PGLYRP2: variants seen among roughly 807,000 people sequenced by gnomAD.
PGLYRP2 encodes peptidoglycan recognition protein 2.
In PGLYRP2, 38 loss-of-function variants were observed where a neutral mutation model predicts 46.2. The ratio of observed to expected loss-of-function variants is 0.82; its 90% CI spans 0.64 to 1.08. The LOEUF (loss-of-function observed/expected upper bound fraction) is 1.08. PGLYRP2 is among the 50% of genes least tolerant of loss of function. PGLYRP2 has a pLI of 0.00. For synonymous variants in PGLYRP2, 289 were observed against 329.4 expected, an observed-to-expected ratio of 0.88 and a Z score of 1.33; for missense variants, 713 against 755.9, an observed-to-expected ratio of 0.94 and a Z score of 0.67.
intron 1 of PGLYRP2, among the ~76,000 whole-genome samples, 187 bp downstream of exon 1, chr19:15,479,124 C>T (rs1028565968): frequency 3.3e-5 from 5 of 152,166 alleles, no homozygotes; most frequent in Non-Finnish European, 5.9e-5. Context: ...TCTCCAGGCC[C>T]CAGATTCCTT....
intron 2 of PGLYRP2, 25 bp downstream of exon 2, chr19:15,475,513 C>A: frequency 1.3e-6 from 2 of 1,554,422 alleles, no homozygotes; most frequent in South Asian, 2.4e-5. Context: ...TGGGAAGGAT[C>A]ACAGGGTGTG....
chr19:15,468,706 C>T lies in PGLYRP2; in HGVS notation c.1688G>A (p.Arg563Lys), dbSNP rs1158284960. The change falls in exon 5 of 5, where the codon AGG becomes AAG. Residue 563 changes from arginine (R) to lysine (K), a missense_variant. Physicochemically the swap from Arg to Lys is conservative, Grantham distance 26. Transcript: ENST00000340880. ...TGGCAGGGTCCTTGGGGGTGGCTCCCTCCTGGATCTCTTAGAGACACTCCT... is the reference window on the plus strand; with the variant it reads ...TGGCAGGGTCCTTGGGGGTGGCTCCTTCCTGGATCTCTTAGAGACACTCCT... The part of the protein sequence containing the change: ...PARSVSKRSR[R>K]EPPPRTLPAT... 2 of 1,612,910 alleles carry T rather than the reference C, an allele frequency of 1.2e-6. No individual in the cohort carries two copies. Among genetic ancestry groups the T allele is most frequent in the South Asian group, 1.1e-5 (1 of 90,968 alleles).
intron 1 of PGLYRP2, 137 bp downstream of exon 1, chr19:15,479,174 T>G: frequency 1.1e-6 from 1 of 872,952 alleles, no homozygotes; most frequent in Non-Finnish European, 1.8e-6. Context: ...TGGGAATATC[T>G]ATGTCCCCAT....
Position 15,469,041 on chromosome 19 carries a change from G to C in PGLYRP2, c.1642-289C>G. 1 of 514,874 alleles carries C rather than the reference G, an allele frequency of 1.9e-6. No homozygotes were observed. The highest frequency in any genetic ancestry group is 3.5e-6 in the Non-Finnish European group (1 of 288,946). 31.9% of individuals were successfully genotyped at this position (514,874 alleles called of 1,614,324 possible). Reference sequence around the variant, plus strand: ...TCAGGTCAAAGTTGTGCTGGCATAAGAGTTGTCATCAGGGGTTAAGGAGTC... The same window carrying C: ...TCAGGTCAAAGTTGTGCTGGCATAACAGTTGTCATCAGGGGTTAAGGAGTC... On this transcript the variant is annotated intron_variant, in intron 4 of 4. Transcript: ENST00000340880. This position sits in a 1 kb window ranked among gnomAD's most constrained non-coding sequence, Gnocchi z 4.9.
intron 2 of PGLYRP2, 104 bp from the exon 3 acceptor site, chr19:15,472,204 G>C (rs1291929166): frequency 4.1e-6 from 4 of 969,626 alleles, no homozygotes; most frequent in Non-Finnish European, 6.1e-6. Context: ...CCTCCTCTCA[G>C]ATTTGGAAAG....
Position 15,478,175 on chromosome 19 carries a change from C to T in PGLYRP2, c.61+1136G>A, listed in dbSNP as rs369034834. Reference sequence around the variant, plus strand: ...CAGCCTGGCCAACATGGTGAAACCCCGTTTCTACTAAAAATACAAAAGTTA... The same window carrying T: ...CAGCCTGGCCAACATGGTGAAACCCTGTTTCTACTAAAAATACAAAAGTTA... On this transcript the variant is annotated intron_variant, in intron 1 of 4. Transcript: ENST00000340880. 3.8e-4 allele frequency among the ~76,000 whole-genome samples: 58 copies of T among 152,048 alleles called. 1 individual carries two copies. The highest frequency in any genetic ancestry group is 3.8e-3 in the Admixed American group (58 of 15,250).
rs374756265 is a variant in PGLYRP2, at chr19:15,475,845, G to A, written c.825C>T (p.Gly275=). 5.2e-5 allele frequency: 84 copies of A among 1,614,060 alleles called. No homozygotes were observed. Among genetic ancestry groups the A allele is most frequent in the South Asian group, 2.6e-4 (24 of 91,072 alleles). Residue 275 remains glycine, a synonymous_variant, in exon 2 of 5, where the codon GGC becomes GGT. Transcript: ENST00000340880. ...ASLLTMAFLN[G]ALDGVILGDY... ...CTCCAAGGATGACCCCATCCAGGGC[G>A]CCATTGAGGAAGGCCATGGTTAACA...
In PGLYRP2 at chr19:15,476,230, G is replaced by A; in HGVS notation, c.440C>T (p.Ala147Val). The change falls in exon 2 of 5, where the codon GCC (alanine) becomes GTC (valine). Residue 147 changes from alanine to valine, a missense_variant. Physicochemically the swap from Ala to Val is moderately conservative, Grantham distance 64. Coordinates refer to ENST00000340880, the MANE Select transcript of PGLYRP2 (RefSeq NM_052890.4). ...VINLPLDSMA[A>V]PWETGDTFPD... ...AAAGGTATCTCCAGTCTCCCAAGGG[G>A]CAGCCATGCTGTCCAAGGGCAAATT... 2 of 1,614,142 alleles carry A rather than the reference G, an allele frequency of 1.2e-6. No homozygotes were observed. Among genetic ancestry groups the A allele is most frequent in the Non-Finnish European group, 8.5e-7 (1 of 1,180,032 alleles).
intron 1 of PGLYRP2, 144 bp downstream of exon 1, chr19:15,479,167 G>C: frequency 1.2e-6 from 1 of 824,762 alleles, no homozygotes; most frequent in South Asian, 1.6e-5. Flanking sequence ...GTGGAGCTGG[G>C]AATATCTATG....
At chr19:15,472,884 T>C (rs745563490) in intron 2 of PGLYRP2, among the ~76,000 whole-genome samples, 7 of 152,138 alleles carry the variant, frequency 4.6e-5, no homozygotes, top group Non-Finnish European at 1.0e-4. Context: ...AAAGCAATTC[T>C]AAGCAAAACG....
At chr19:15,473,585 CT>C (rs1970769434) in intron 2 of PGLYRP2, among the ~76,000 whole-genome samples, 1 of 149,784 alleles carries the variant, frequency 6.7e-6, no homozygotes, top group Non-Finnish European at 1.5e-5. Flanking sequence ...AAGGAAAACG[CT>C]TCTGAACATT....
Position 15,479,454 on chromosome 19 carries a change from A to C in PGLYRP2, c.-83T>G. The C allele has an allele frequency of 7.5e-7, 1 of 1,340,732 alleles. No individual in the cohort carries two copies. 83.1% of individuals were successfully genotyped at this position (1,340,732 alleles called of 1,614,324 possible). A position where few individuals can be genotyped will look rare whatever the true frequency, so the allele number is the denominator to read the frequency against. ...GGCAGTGCTGGAGGGAGACAGGCAC[A>C]GAGAACTGAGCAGAGCCTTTGACCA... On this transcript the variant is annotated 5_prime_UTR_variant, in exon 1 of 5. Transcript: ENST00000340880.
chr19:15,477,151 C>G (rs7252114), intron 1 of PGLYRP2, among the ~76,000 whole-genome samples: 84,440 of 151,736 alleles, frequency 0.56, 23,834 homozygotes, highest in East Asian at 0.82. Flanking sequence ...CCAGCACTTT[C>G]GGAGGCCGAG....
chr19:15,472,472 C>T (rs1234565568), intron 2 of PGLYRP2, among the ~76,000 whole-genome samples: 1 of 152,138 alleles, frequency 6.6e-6, no homozygotes, highest in East Asian at 1.9e-4. Flanking sequence ...TGCCTGTAAT[C>T]CCAGCTACTT....
Position 15,471,967 on chromosome 19 carries a change from G to A in PGLYRP2, c.1266C>T (p.Phe422=). Residue 422 remains phenylalanine, a synonymous_variant, in exon 3 of 5, where the codon TTC becomes TTT. Coordinates refer to ENST00000340880, the MANE Select transcript of PGLYRP2 (RefSeq NM_052890.4). Reference sequence around the variant, plus strand: ...AGCGCATGTTGGCTGCGCAGCGCGTGAAGTCCGTGCAGGGTGGTGCAGGCA... The same window carrying A: ...AGCGCATGTTGGCTGCGCAGCGCGTAAAGTCCGTGCAGGGTGGTGCAGGCA... The part of the protein sequence containing the change: ...TYVPAPPCTD[F]TRCAANMRSM... 6.2e-7 allele frequency: 1 copy of A among 1,614,100 alleles called. No individual in the cohort carries two copies. Among genetic ancestry groups the A allele is most frequent in the Non-Finnish European group, 8.5e-7 (1 of 1,179,974 alleles).
At chr19:15,476,679 A>G in intron 1 of PGLYRP2, 71 bp from the exon 2 acceptor site, 3 of 1,280,376 alleles carry the variant, frequency 2.3e-6, no homozygotes, top group South Asian at 3.0e-5. Flanking sequence ...TTCCACATCT[A>G]CCCAATGCTC....
chr19:15,469,189 A>C lies in PGLYRP2; in HGVS notation c.1642-437T>G, dbSNP rs1481008664. 35 of 588,982 alleles carry C rather than the reference A, an allele frequency of 5.9e-5. No homozygotes were observed. The allele number at this position is 588,982 out of a possible 1,614,324, so 36.5% of individuals were successfully genotyped here. ...CAGCCTAGGTTCATGTTGTGTGGAC[A>C]GAGGGCCTTCGGGTAGGGGCAGGGG... On this transcript the variant is annotated intron_variant, in intron 4 of 4. Transcript: ENST00000340880. The surrounding 1 kb of genome is among the most constrained non-coding windows in gnomAD (Gnocchi z 4.9).
intron 3 of PGLYRP2, among the ~76,000 whole-genome samples, chr19:15,470,987 T>C (rs1191928677): frequency 1.3e-5 from 2 of 151,772 alleles, no homozygotes; most frequent in Non-Finnish European, 2.9e-5. Flanking sequence ...TCACTCAGGC[T>C]AGAGTGCAGA....
At position 15,469,875 on chromosome 19, in the gene PGLYRP2, C is replaced by T; in HGVS notation, c.1398G>A (p.Val466=). 1 of 1,489,134 alleles carries T rather than the reference C, an allele frequency of 6.7e-7. No individual in the cohort carries two copies. The highest frequency in any genetic ancestry group is 8.9e-7 in the Non-Finnish European group (1 of 1,129,646). The allele number at this position is 1,489,134 out of a possible 1,614,324, so 92.2% of individuals were successfully genotyped here. The part of the protein sequence containing the change: ...YVYEGRGWHW[V]GAHTLGHNSR... ...AGTTGTGGCCGAGCGTGTGGGCGCC[C>T]ACCCAGTGCCAGCCGCGTCCCTCGT... The change falls in exon 4 of 5, where the codon GTG becomes GTA. Residue 466 remains valine (V), a synonymous_variant. Coordinates refer to ENST00000340880, the MANE Select transcript of PGLYRP2 (RefSeq NM_052890.4). This position sits in a 1 kb window ranked among gnomAD's most constrained non-coding sequence, Gnocchi z 4.9.
Sources: allele counts gnomAD v4.1 joint callset (sites outside exome capture counted in the v4.1 genomes callset), GRCh38; gene constraint gnomAD v4.1.1; non-coding constraint Gnocchi (gnomAD v3.1); transcripts MANE v1.5; gene names NCBI Gene and HGNC (gene_info 2026-07-23, HGNC 2026-07-21).